SCFD2: variants seen among roughly 807,000 people sequenced by gnomAD.
SCFD2 encodes the protein sec1 family domain-containing protein 2.
In SCFD2, 54 loss-of-function variants were observed where a neutral mutation model predicts 58.9. That is an observed-to-expected ratio of 0.92 (90% CI 0.74 to 1.15). The LOEUF is 1.15. SCFD2 is among the 50% of genes most tolerant of loss of function. The probability of loss-of-function intolerance (pLI) is 0.00; values close to 1 mark genes in which losing one functional copy is unlikely to be tolerated. For synonymous variants in SCFD2, 321 were observed against 335.9 expected (o/e 0.96, Z 0.49); for missense variants, 805 against 836.6 (o/e 0.96, Z 0.47).
chr4:53,322,728 T>C (rs181131985), intron 2 of SCFD2, among the ~76,000 whole-genome samples: 3 of 152,354 alleles, frequency 2.0e-5, no homozygotes, highest in Admixed American at 2.0e-4. Flanking sequence ...CACATATCCC[T>C]TCTCTGCCAC....
At chr4:53,076,176 A>C (rs1263036597) in intron 5 of SCFD2, among the ~76,000 whole-genome samples, 1 of 152,188 alleles carries the variant, frequency 6.6e-6, no homozygotes, top group Non-Finnish European at 1.5e-5. Context: ...AATTTCTATC[A>C]CAGTTACAAC....
At chr4:53,065,483 C>A (rs1723636942) in intron 5 of SCFD2, among the ~76,000 whole-genome samples, 2 of 151,978 alleles carry the variant, frequency 1.3e-5, no homozygotes, top group Admixed American at 6.6e-5. Context: ...ACTAGCATAG[C>A]AAACCGCCAG....
chr4:53,121,090 C>A (rs1038713142), intron 5 of SCFD2, among the ~76,000 whole-genome samples: 1 of 151,296 alleles, frequency 6.6e-6, no homozygotes, highest in Non-Finnish European at 1.5e-5. Flanking sequence ...ATCTTGAGTT[C>A]CTGTTTACAA....
At chr4:53,082,238 T>C (rs947131978) in intron 5 of SCFD2, among the ~76,000 whole-genome samples, 4 of 152,148 alleles carry the variant, frequency 2.6e-5, no homozygotes, top group African/African-American at 9.7e-5. Flanking sequence ...ATGGCAACTC[T>C]TATGTTCAAC....
intron 5 of SCFD2, among the ~76,000 whole-genome samples, chr4:52,926,016 C>T (rs780681940): frequency 1.1e-4 from 16 of 152,266 alleles, no homozygotes; most frequent in Middle Eastern, 3.4e-3. Context: ...CCCTTTCCTT[C>T]AGCAGAGTGA....
At chr4:52,998,309 C>A (rs761610868) in intron 5 of SCFD2, among the ~76,000 whole-genome samples, 1 of 152,182 alleles carries the variant, frequency 6.6e-6, no homozygotes, top group South Asian at 2.1e-4. Flanking sequence ...AGCCACTGAC[C>A]TCGCAGGAGA....
chr4:53,287,244 C>A (rs964272343), intron 3 of SCFD2, among the ~76,000 whole-genome samples: 1 of 152,112 alleles, frequency 6.6e-6, no homozygotes, highest in Admixed American at 6.5e-5. Context: ...AGTTCTGAAC[C>A]CCAGCTCCAC....
chr4:53,063,550 A>C (rs1052616207), intron 5 of SCFD2, among the ~76,000 whole-genome samples: 1 of 152,132 alleles, frequency 6.6e-6, no homozygotes, highest in Non-Finnish European at 1.5e-5. Flanking sequence ...TTAAGAGATA[A>C]GGAAAGTGAA....
rs56263068 is a variant in SCFD2, at chr4:53,338,575, CTTTTT to C, written c.1007+14018_1007+14022del. On this transcript the variant is annotated intron_variant, in intron 2 of 8. Transcript: ENST00000401642. Reference sequence around the variant, plus strand: ...GGCCAAAAGAAAGCAGTATATTTTTCTTTTTTTTTTTTTTTTTTTTTGTGAGATGG... The same window carrying C: ...GGCCAAAAGAAAGCAGTATATTTTTCTTTTTTTTTTTTTTTTGTGAGATGG... Among the ~76,000 whole-genome samples, 4 of 72,296 alleles carry C rather than the reference CTTTTT, an allele frequency of 5.5e-5. 1 individual carries two copies. The highest frequency in any genetic ancestry group is 1.0e-4 in the African/African-American group (2 of 19,630). 47.4% of individuals were successfully genotyped at this position (72,296 alleles called of 152,430 possible). A position where few individuals can be genotyped will look rare whatever the true frequency, so the allele number is the denominator to read the frequency against.
intron 2 of SCFD2, among the ~76,000 whole-genome samples, chr4:53,320,248 C>T (rs1732986340): frequency 6.6e-6 from 1 of 152,218 alleles, no homozygotes. Context: ...TAATTCTACA[C>T]TGTTCTGTAA....
intron 5 of SCFD2, among the ~76,000 whole-genome samples, chr4:52,985,770 T>A (rs918087409): frequency 1.4e-5 from 2 of 142,102 alleles, no homozygotes; most frequent in African/African-American, 5.2e-5. Flanking sequence ...TAAGGTCAAG[T>A]TTTTTTGAAA....
At chr4:53,201,724 G>C (rs1415759107) in intron 4 of SCFD2, among the ~76,000 whole-genome samples, 1 of 152,274 alleles carries the variant, frequency 6.6e-6, no homozygotes, top group South Asian at 2.1e-4. Context: ...ATTCTAACTG[G>C]TGGGAGATGG....
intron 4 of SCFD2, among the ~76,000 whole-genome samples, chr4:53,200,866 C>CA (rs76519905): frequency 0.09 from 13,654 of 152,040 alleles, 1,035 homozygotes; most frequent in South Asian, 0.21. Flanking sequence ...TCTCTATGCA[C>CA]ATTAAATTTT....
intron 4 of SCFD2, among the ~76,000 whole-genome samples, chr4:53,220,659 CAGTTAATAAT>C (rs763636996): frequency 6.6e-6 from 1 of 152,160 alleles, no homozygotes; most frequent in Non-Finnish European, 1.5e-5. Context: ...TACAATAAAG[CAGTTAATAAT>C]AACATCTTAA....
At chr4:53,214,590 C>A (rs1377753847) in intron 4 of SCFD2, among the ~76,000 whole-genome samples, 1 of 152,112 alleles carries the variant, frequency 6.6e-6, no homozygotes, top group African/African-American at 2.4e-5. Flanking sequence ...AATTTTCTCC[C>A]ATTCTGTAGG....
At chr4:53,247,893 A>T (rs1452401951) in intron 4 of SCFD2, among the ~76,000 whole-genome samples, 1 of 146,340 alleles carries the variant, frequency 6.8e-6, no homozygotes, top group Admixed American at 6.8e-5. Context: ...AAAAAAAAAA[A>T]TAACAAGATC....
chr4:52,890,248 T>C (rs1262053400), intron 7 of SCFD2, among the ~76,000 whole-genome samples: 1 of 152,016 alleles, frequency 6.6e-6, no homozygotes, highest in African/African-American at 2.4e-5. Context: ...CCAAAGTACA[T>C]TGGGAGAATC....
chr4:53,347,180 C>T (rs1234066009), intron 2 of SCFD2, among the ~76,000 whole-genome samples: 1 of 151,620 alleles, frequency 6.6e-6, no homozygotes, highest in Non-Finnish European at 1.5e-5. Flanking sequence ...CCCTTTTTTG[C>T]AAATGTTTTT....
chr4:52,897,654 A>C (rs976546998), intron 7 of SCFD2, among the ~76,000 whole-genome samples: 2 of 152,158 alleles, frequency 1.3e-5, no homozygotes, highest in Non-Finnish European at 2.9e-5. Context: ...TGGTGTCAGG[A>C]TGCTGCTGGC....
Sources: gnomAD v4.1 joint callset for allele counts (sites outside exome capture counted in the v4.1 genomes callset) on GRCh38, gnomAD v4.1.1 for gene constraint, MANE v1.5 for transcripts, NCBI Gene and HGNC (gene_info 2026-07-23, HGNC 2026-07-21) for gene names.